The following MCC variants were observed in gnomAD, a reference collection of about 807,000 sequenced individuals.
MCC encodes colorectal mutant cancer protein.
In MCC, 90 loss-of-function variants were observed where a neutral mutation model predicts 116.2. The ratio of observed to expected loss-of-function variants is 0.77; its 90% CI spans 0.65 to 0.92. The LOEUF is 0.92. Ranked by LOEUF, MCC falls within the 40% of genes least tolerant of loss-of-function variation. MCC has a pLI of 0.00. For missense variants in MCC, 1,516 were observed against 1,312.2 expected (o/e 1.16, Z -2.40); for synonymous variants, 578 against 510.5 (o/e 1.13, Z -1.78).
Position 113,143,159 on chromosome 5 carries a change from G to A in MCC, c.884+59C>T, listed in dbSNP as rs147745737. 6.6e-4 allele frequency: 992 copies of A among 1,513,418 alleles called. 16 individuals carry two copies. In the East Asian group the frequency reaches 0.019, roughly 30 times the overall value. 93.7% of individuals were successfully genotyped at this position (1,513,418 alleles called of 1,614,324 possible). ...AGTTAAAATAGTTGGGGCTACTTCA[G>A]CTCCAAGATGGAGGGTTTAGCAGAA... On this transcript the variant is annotated intron_variant, in intron 5 of 18. Coordinates refer to ENST00000408903, the MANE Select transcript of MCC (RefSeq NM_001085377.2).
chr5:113,295,656 G>A (rs974752405), intron 3 of MCC, among the ~76,000 whole-genome samples: 3 of 152,196 alleles, frequency 2.0e-5, no homozygotes, highest in Non-Finnish European at 2.9e-5. Context: ...ACACCCCTGG[G>A]ATCTGAGCTC....
chr5:113,152,255 G>T (rs554280638), intron 3 of MCC, among the ~76,000 whole-genome samples: 1 of 152,326 alleles, frequency 6.6e-6, no homozygotes, highest in South Asian at 2.1e-4. Context: ...ACTGGACTTT[G>T]GCTGCACACA....
chr5:113,434,721 A>T lies in MCC; in HGVS notation c.171-49509T>A, dbSNP rs757711263. On this transcript the variant is annotated intron_variant, in intron 1 of 18. Transcript: ENST00000408903. The surrounding 1 kb of genome is among the most constrained non-coding windows in gnomAD (Gnocchi z 4.2). ...GGCCTTCTTGCGGTCGATGATCTTG[A>T]TCGCCACATTGAACTTCAGGCGCTC... is the stretch of plus-strand genomic sequence containing the variant. 5 of 1,613,900 alleles carry T rather than the reference A, an allele frequency of 3.1e-6. No individual in the cohort carries two copies. In the East Asian group the frequency reaches 6.7e-5, roughly 22 times the overall value.
intron 5 of MCC, among the ~76,000 whole-genome samples, chr5:113,139,062 T>C (rs1283755252): frequency 6.6e-6 from 1 of 152,144 alleles, no homozygotes; most frequent in Non-Finnish European, 1.5e-5. Flanking sequence ...GTTCTAGAGA[T>C]CTCAAGCTTA....
At chr5:113,062,716 T>C (rs997759820) in intron 14 of MCC, among the ~76,000 whole-genome samples, 3 of 152,244 alleles carry the variant, frequency 2.0e-5, no homozygotes, top group Non-Finnish European at 2.9e-5. Flanking sequence ...GAGACAATTG[T>C]TGCTGAAGTA....
At chr5:113,037,769 G>A (rs1203309378) in intron 17 of MCC, among the ~76,000 whole-genome samples, 1 of 152,188 alleles carries the variant, frequency 6.6e-6, no homozygotes, top group Non-Finnish European at 1.5e-5. Flanking sequence ...CTTCAAGATG[G>A]TAAGCATTCT....
chr5:113,075,032 C>T (rs1754323566), intron 11 of MCC, among the ~76,000 whole-genome samples: 1 of 152,174 alleles, frequency 6.6e-6, no homozygotes, highest in Non-Finnish European at 1.5e-5. Flanking sequence ...GAGCCAGCTC[C>T]CTCTGCTTGA....
At chr5:113,424,755 G>C (rs1580357448) in intron 1 of MCC, among the ~76,000 whole-genome samples, 2 of 151,642 alleles carry the variant, frequency 1.3e-5, no homozygotes, top group Non-Finnish European at 2.9e-5. Flanking sequence ...AGCACACCCA[G>C]AGAATAACAT....
At chr5:113,164,722 G>A (rs530895749) in intron 3 of MCC, among the ~76,000 whole-genome samples, 4 of 152,290 alleles carry the variant, frequency 2.6e-5, no homozygotes, top group African/African-American at 9.6e-5. Context: ...CATTTACCAC[G>A]GGTATCCAGG....
At chr5:113,452,139 G>T (rs1242834023) in intron 1 of MCC, among the ~76,000 whole-genome samples, 2 of 152,192 alleles carry the variant, frequency 1.3e-5, no homozygotes, top group Admixed American at 1.3e-4. Flanking sequence ...AATGGAAACT[G>T]CCAGGACACT....
chr5:113,078,398 A>G (rs1430917618), intron 11 of MCC, among the ~76,000 whole-genome samples: 1 of 152,258 alleles, frequency 6.6e-6, no homozygotes, highest in African/African-American at 2.4e-5. Context: ...ACATTGATGC[A>G]AAGACCTCAA....
chr5:113,378,442 A>G (rs1392681067), intron 2 of MCC, among the ~76,000 whole-genome samples: 1 of 152,204 alleles, frequency 6.6e-6, no homozygotes, highest in African/African-American at 2.4e-5. Flanking sequence ...GTTATTGGAA[A>G]TTGTGCCTGG....
At chr5:113,093,492 A>T (rs1455203443) in intron 8 of MCC, among the ~76,000 whole-genome samples, 1 of 138,230 alleles carries the variant, frequency 7.2e-6, no homozygotes, top group Admixed American at 7.3e-5. Flanking sequence ...TCTCTCTCTC[A>T]ATCAATCCAA....
chr5:113,306,099 T>G (rs1194515616), intron 3 of MCC, among the ~76,000 whole-genome samples: 1 of 152,240 alleles, frequency 6.6e-6, no homozygotes, highest in African/African-American at 2.4e-5. Flanking sequence ...TCCTTTTTAT[T>G]GCCAAATAAT....
intron 3 of MCC, among the ~76,000 whole-genome samples, chr5:113,285,884 A>G (rs1020529366): frequency 6.6e-6 from 1 of 152,224 alleles, no homozygotes; most frequent in Admixed American, 6.5e-5. Flanking sequence ...TGTTGACTGA[A>G]TATGTGAACG....
At chr5:113,252,027 C>T (rs1285891431) in intron 3 of MCC, among the ~76,000 whole-genome samples, 1 of 152,152 alleles carries the variant, frequency 6.6e-6, no homozygotes, top group African/African-American at 2.4e-5. Flanking sequence ...AAACCCCACC[C>T]TTTTTCCACA....
At chr5:113,046,235 C>A (rs1752062745) in intron 16 of MCC, among the ~76,000 whole-genome samples, 2 of 152,058 alleles carry the variant, frequency 1.3e-5, no homozygotes, top group South Asian at 4.2e-4. Context: ...CTCTGTCGCC[C>A]AGGCTGTGGT....
chr5:113,316,017 G>A (rs1581394466), intron 3 of MCC, among the ~76,000 whole-genome samples: 1 of 152,020 alleles, frequency 6.6e-6, no homozygotes, highest in Non-Finnish European at 1.5e-5. Flanking sequence ...CAGCACTTTG[G>A]GAGGCTGAGG....
chr5:113,257,800 G>C (rs1009640200), intron 3 of MCC, among the ~76,000 whole-genome samples: 1 of 152,182 alleles, frequency 6.6e-6, no homozygotes, highest in Non-Finnish European at 1.5e-5. Context: ...GGAAAGCCTG[G>C]AGACTATGGA....
Sources: allele counts gnomAD v4.1 joint callset (sites outside exome capture counted in the v4.1 genomes callset), GRCh38; gene constraint gnomAD v4.1.1; non-coding constraint Gnocchi (gnomAD v3.1); transcripts MANE v1.5; gene names NCBI Gene and HGNC (gene_info 2026-07-23, HGNC 2026-07-21).